TMEM144: variants seen among roughly 807,000 people sequenced by gnomAD.
The protein encoded by TMEM144 is transmembrane protein 144.
A neutral mutation model predicts 43.6 loss-of-function variants in TMEM144; 39 were observed. That is an observed-to-expected ratio of 0.90 (90% CI 0.69 to 1.17). The LOEUF (loss-of-function observed/expected upper bound fraction) is 1.17. Ranked by LOEUF, TMEM144 falls within the 50% of genes most tolerant of loss-of-function variation. TMEM144 has a pLI of 0.00. For missense variants in TMEM144, 417 were observed against 411.9 expected, an observed-to-expected ratio of 1.01 and a Z score of -0.11; for synonymous variants, 154 against 133.6, an observed-to-expected ratio of 1.15 and a Z score of -1.06.
At chr4:158,213,604 T>A (rs1245029990) in intron 3 of TMEM144, 1 of 152,244 alleles carries the variant, frequency 6.6e-6, no homozygotes, top group Non-Finnish European at 1.5e-5. Context: ...CAGAACTGAC[T>A]AATGTGAATT....
rs12504074 is a variant in TMEM144, at chr4:158,237,525, G to C, written c.564G>C (p.Val188=). Residue 188 remains valine (V), a splice_region_variant and synonymous_variant, in exon 9 of 13, where the codon GTG becomes GTC. Transcript: ENST00000296529. ...AATAGTGATTTATTTGTTTTGTAAGGGGCTGCAGTCTTGCAGTGATATCTG... is the reference window on the plus strand; with the variant it reads ...AATAGTGATTTATTTGTTTTGTAAGCGGCTGCAGTCTTGCAGTGATATCTG... ...DKLSTVHHRI[V]GCSLAVISGV... is the part of the protein sequence containing the mutation. 4 of 1,606,768 alleles carry C rather than the reference G, an allele frequency of 2.5e-6. No homozygotes were observed. The highest frequency in any genetic ancestry group is 4.5e-5 in the East Asian group (2 of 44,794).
intron 7 of TMEM144, chr4:158,234,199 C>A (rs1489556795): frequency 6.6e-6 from 1 of 152,100 alleles, no homozygotes; most frequent in Non-Finnish European, 1.5e-5. Flanking sequence ...AATCTACTTT[C>A]TTGTCTCTTA....
intron 10 of TMEM144, 135 bp from the exon 11 acceptor site, chr4:158,241,374 T>C: frequency 1.4e-6 from 1 of 698,926 alleles, no homozygotes; most frequent in Non-Finnish European, 2.5e-6. Flanking sequence ...AAAACACAGC[T>C]CAAAATTCCA....
chr4:158,242,824 A>C (rs1278845407), intron 11 of TMEM144, among the ~76,000 whole-genome samples: 1 of 152,204 alleles, frequency 6.6e-6, no homozygotes, highest in Non-Finnish European at 1.5e-5. Context: ...AACTTACATT[A>C]GTTTACAAAA....
At chr4:158,252,666 G>C (rs1188670138) in intron 12 of TMEM144, among the ~76,000 whole-genome samples, 1 of 151,752 alleles carries the variant, frequency 6.6e-6, no homozygotes, top group Admixed American at 6.6e-5. Flanking sequence ...AAATTCACTG[G>C]GCTTGGTGAT....
chr4:158,216,669 C>T (rs1734237969), intron 4 of TMEM144, among the ~76,000 whole-genome samples: 1 of 151,894 alleles, frequency 6.6e-6, no homozygotes, highest in Non-Finnish European at 1.5e-5. Context: ...CAAATATGTT[C>T]AAGGGAAAAT....
At chr4:158,251,923 AC>A (rs1736226081) in intron 12 of TMEM144, among the ~76,000 whole-genome samples, 1 of 151,892 alleles carries the variant, frequency 6.6e-6, no homozygotes. Flanking sequence ...AATAAATTAG[AC>A]TCTTTAAACA....
chr4:158,243,719 C>A (rs1014467762), intron 11 of TMEM144, among the ~76,000 whole-genome samples: 5 of 152,058 alleles, frequency 3.3e-5, no homozygotes, highest in African/African-American at 1.2e-4. Flanking sequence ...TATTGTTTTT[C>A]CTTACACGTT....
At chr4:158,239,922 G>T (rs1735542569) in intron 9 of TMEM144, among the ~76,000 whole-genome samples, 1 of 145,582 alleles carries the variant, frequency 6.9e-6, no homozygotes, top group African/African-American at 2.6e-5. Context: ...GTCTCACTCT[G>T]TTGCCCAGGC....
rs777128124 is a variant in TMEM144 at position 158,240,279 on chromosome 4, T to C, written c.683-20T>C. ...GAATGATTAAAATGGTGTTTGAGAG[T>C]TTTTAATGTCTATTTTCAGATTTAG... On this transcript the variant is annotated intron_variant, in intron 9 of 12. Coordinates refer to ENST00000296529, the MANE Select transcript of TMEM144 (RefSeq NM_018342.5). 2 of 1,592,684 alleles carry C rather than the reference T, an allele frequency of 1.3e-6. No homozygotes were observed. Among genetic ancestry groups the C allele is most frequent in the African/African-American group, 2.7e-5 (2 of 73,634 alleles).
chr4:158,249,848 GA>G lies in TMEM144; in HGVS notation c.955-3587del, dbSNP rs113875171. ...TGAGAATTGCAGTCTTAAAAATTAAGAAAAAAAAAGGTGCTGGGAAATCCAA... is the reference window on the plus strand; with the variant it reads ...TGAGAATTGCAGTCTTAAAAATTAAGAAAAAAAAGGTGCTGGGAAATCCAA... On this transcript the variant is annotated intron_variant, in intron 12 of 12. Coordinates refer to ENST00000296529, the MANE Select transcript of TMEM144 (RefSeq NM_018342.5). Among the ~76,000 whole-genome samples the G allele has an allele frequency of 5.7e-3, 828 of 146,484 alleles. 10 individuals are homozygous for G. The highest frequency in any genetic ancestry group is 0.02 in the African/African-American group (792 of 40,038).
At position 158,245,372 on chromosome 4, in the gene TMEM144, TG is replaced by T. The variant is rs1409837501; in HGVS notation, c.954+1024del. Among the ~76,000 whole-genome samples the T allele has an allele frequency of 6.1e-5, 9 of 147,732 alleles. No individual in the cohort carries two copies. In the East Asian group the frequency reaches 1.8e-3, roughly 30 times the overall value. On this transcript the variant is annotated intron_variant, in intron 12 of 12. Transcript: ENST00000296529. ...GCATCACTTGAGCCCAGGAGTTTGA[TG>T]TCAGCCTGGGCAATCACAACGACAA...
intron 6 of TMEM144, 97 bp downstream of exon 6, chr4:158,219,487 C>A (rs561382720): frequency 8.6e-7 from 1 of 1,168,020 alleles, no homozygotes; most frequent in Non-Finnish European, 1.3e-6. Flanking sequence ...ACCTACATTT[C>A]GTAAAATCCA....
intron 4 of TMEM144, among the ~76,000 whole-genome samples, chr4:158,217,033 G>A (rs537886685): frequency 2.0e-5 from 3 of 152,206 alleles, no homozygotes; most frequent in African/African-American, 7.2e-5. Context: ...CTTCCATGAA[G>A]AATCACAGAA....
intron 6 of TMEM144, among the ~76,000 whole-genome samples, chr4:158,224,408 G>A (rs1734650505): frequency 6.6e-6 from 1 of 152,118 alleles, no homozygotes; most frequent in Non-Finnish European, 1.5e-5. Context: ...AAGCTCTTTA[G>A]TTTAATTAGA....
intron 6 of TMEM144, among the ~76,000 whole-genome samples, chr4:158,225,145 T>G (rs1038268638): frequency 6.6e-6 from 1 of 152,240 alleles, no homozygotes; most frequent in East Asian, 1.9e-4. Context: ...ATCTGCTTCT[T>G]GTGCTAACAG....
intron 6 of TMEM144, among the ~76,000 whole-genome samples, chr4:158,227,680 C>A (rs557881282): frequency 2.1e-4 from 32 of 152,176 alleles, no homozygotes; most frequent in Admixed American, 7.2e-4. Context: ...GCTCTCCAAG[C>A]GTATATGTAT....
intron 5 of TMEM144, among the ~76,000 whole-genome samples, chr4:158,218,942 G>T (rs1734372075): frequency 6.6e-6 from 1 of 152,016 alleles, no homozygotes; most frequent in South Asian, 2.1e-4. Flanking sequence ...GTGAAACCCT[G>T]TCTCTACTAA....
chr4:158,215,986 T>G lies in TMEM144; in HGVS notation c.232+673T>G, dbSNP rs537966921. ...AATGTTAAAACTTTATTAAAAAAATTAAAATGAAAATTTATTTATTACCCA... is the reference window on the plus strand; with the variant it reads ...AATGTTAAAACTTTATTAAAAAAATGAAAATGAAAATTTATTTATTACCCA... On this transcript the variant is annotated intron_variant, in intron 4 of 12. Coordinates refer to ENST00000296529, the MANE Select transcript of TMEM144 (RefSeq NM_018342.5). Among the ~76,000 whole-genome samples the G allele has an allele frequency of 7.0e-3, 1,067 of 152,304 alleles. 14 individuals carry two copies. Among genetic ancestry groups the G allele is most frequent in the African/African-American group, 0.024 (1,016 of 41,558 alleles).
Sources: allele counts gnomAD v4.1 joint callset (sites outside exome capture counted in the v4.1 genomes callset), GRCh38; gene constraint gnomAD v4.1.1; transcripts MANE v1.5; gene names NCBI Gene and HGNC (gene_info 2026-07-23, HGNC 2026-07-21).